ODAPH: variants seen among roughly 807,000 people sequenced by gnomAD.
ODAPH encodes odontogenesis associated phosphoprotein, also known as amelogenesis imperfecta type IIA4.
ODAPH carries 2 observed loss-of-function variants against 2.8 expected under a neutral mutation model. The observed-to-expected ratio is 0.72, with a 90% confidence interval of 0.30 to 2.28. The LOEUF is 2.28. ODAPH is among the 30% of genes most tolerant of loss of function. The pLI is 0.13. For synonymous variants in ODAPH, 75 were observed against 60.3 expected, an observed-to-expected ratio of 1.24 and a Z score of -1.13; for missense variants, 159 against 163.3, an observed-to-expected ratio of 0.97 and a Z score of 0.14.
At chr4:75,562,381 C>A (rs1727616476) in intron 1 of ODAPH, among the ~76,000 whole-genome samples, 1 of 150,610 alleles carries the variant, frequency 6.6e-6, no homozygotes, top group Admixed American at 6.6e-5. Context: ...CTCTCGTTGC[C>A]CAGGCTGGAG....
chr4:75,564,670 A>G lies in ODAPH; in HGVS notation c.*231A>G, dbSNP rs777979630. 7.6e-6 allele frequency: 6 copies of G among 792,184 alleles called. No individual in the cohort carries two copies. The highest frequency in any genetic ancestry group is 1.2e-5 in the Non-Finnish European group (6 of 511,546). 49.1% of individuals were successfully genotyped at this position (792,184 alleles called of 1,614,324 possible). On this transcript the variant is annotated 3_prime_UTR_variant, in exon 2 of 2. Transcript: ENST00000311623. The stretch of plus-strand genomic sequence containing the variant: ...AATAACCACGTTATTTTTATCCTCA[A>G]CCTCTTATGGTCACAGGATATTTAT...
intron 1 of ODAPH, among the ~76,000 whole-genome samples, chr4:75,558,466 C>A (rs549399534): frequency 1.3e-5 from 2 of 150,754 alleles, no homozygotes; most frequent in East Asian, 3.9e-4. Context: ...TAGTTCACTG[C>A]AAGCCAGCTT....
chr4:75,563,737 TTAG>T (rs1560562451), intron 1 of ODAPH, among the ~76,000 whole-genome samples: 1 of 152,214 alleles, frequency 6.6e-6, no homozygotes, highest in Non-Finnish European at 1.5e-5. Flanking sequence ...GTTGTGGGTA[TTAG>T]TAGTTCTTCC....
chr4:75,557,912 A>C (rs1727405945), intron 1 of ODAPH, among the ~76,000 whole-genome samples: 1 of 152,240 alleles, frequency 6.6e-6, no homozygotes, highest in South Asian at 2.1e-4. Context: ...GCTTTAAGGC[A>C]CAACATTTAA....
At chr4:75,562,228 G>A (rs17000658) in intron 1 of ODAPH, among the ~76,000 whole-genome samples, 101,223 of 152,068 alleles carry the variant, frequency 0.67, 35,478 homozygotes, top group African/African-American at 0.9. Flanking sequence ...ACATAGGCAA[G>A]TAACAAGCGT....
At chr4:75,556,448 G>T (rs1419814159) in intron 1 of ODAPH, 5 of 1,042,828 alleles carry the variant, frequency 4.8e-6, no homozygotes, top group Middle Eastern at 2.0e-4. Flanking sequence ...GACCAAATGA[G>T]CTATCATCTG....
At chr4:75,560,644 AG>A (rs1727524985) in intron 1 of ODAPH, among the ~76,000 whole-genome samples, 1 of 152,226 alleles carries the variant, frequency 6.6e-6, no homozygotes, top group African/African-American at 2.4e-5. Context: ...GATTGAAGCA[AG>A]CTTATACCTT....
intron 1 of ODAPH, among the ~76,000 whole-genome samples, chr4:75,563,807 C>G (rs1727693104): frequency 6.6e-6 from 1 of 152,144 alleles, no homozygotes; most frequent in East Asian, 1.9e-4. Flanking sequence ...TTCATGCATT[C>G]TTCTGTTGAT....
chr4:75,561,291 TC>T (rs1210877969), intron 1 of ODAPH, among the ~76,000 whole-genome samples: 3 of 151,672 alleles, frequency 2.0e-5, no homozygotes. Context: ...CAGAATGTCT[TC>T]TTCCTGTAAG....
intron 1 of ODAPH, among the ~76,000 whole-genome samples, chr4:75,563,640 T>C (rs1175981832): frequency 6.6e-6 from 1 of 152,202 alleles, no homozygotes; most frequent in Non-Finnish European, 1.5e-5. Context: ...GTTTTGCTTG[T>C]TTTTGAACTT....
chr4:75,556,665 G>T, intron 1 of ODAPH: 1 of 1,033,812 alleles, frequency 9.7e-7, no homozygotes, highest in Non-Finnish European at 1.4e-6. Context: ...GTGGGCACAG[G>T]TTTCTTTCTT....
intron 1 of ODAPH, among the ~76,000 whole-genome samples, chr4:75,559,091 G>A (rs904648155): frequency 2.6e-5 from 4 of 152,210 alleles, no homozygotes; most frequent in South Asian, 2.1e-4. Flanking sequence ...ATTCAAGGTC[G>A]GCCTGACCAT....
chr4:75,563,005 C>CTT lies in ODAPH; in HGVS notation c.68-1073_68-1072dup, dbSNP rs542417085. 7.7e-3 allele frequency among the ~76,000 whole-genome samples: 460 copies of CTT among 59,594 alleles called. 169 individuals carry two copies. Among genetic ancestry groups the CTT allele is most frequent in the Non-Finnish European group, 0.011 (368 of 32,226 alleles). The allele number at this position is 59,594 out of a possible 152,430, so 39.1% of individuals were successfully genotyped here. ...TTTACATGCAATAAAATCCACACAT[C>CTT]TTTTTTTTTTTTTTTTTTTTTTTTT... On this transcript the variant is annotated intron_variant, in intron 1 of 1. Transcript: ENST00000311623.
rs1253794052 is a variant in ODAPH at position 75,564,479 on chromosome 4, C to G, written c.*40C>G. 3 of 1,613,522 alleles carry G rather than the reference C, an allele frequency of 1.9e-6. No homozygotes were observed. Among genetic ancestry groups the G allele is most frequent in the Non-Finnish European group, 2.5e-6 (3 of 1,179,982 alleles). ...CCAAACATACTGAAGCAAAAAAAAGCCTATCCTTCAGAAAAAAGCAACAAA... is the reference window on the plus strand; with the variant it reads ...CCAAACATACTGAAGCAAAAAAAAGGCTATCCTTCAGAAAAAAGCAACAAA... On this transcript the variant is annotated 3_prime_UTR_variant, in exon 2 of 2. Coordinates refer to ENST00000311623, the MANE Select transcript of ODAPH (RefSeq NM_178497.5).
chr4:75,560,315 T>C (rs759274195), intron 1 of ODAPH, among the ~76,000 whole-genome samples: 19 of 152,080 alleles, frequency 1.2e-4, no homozygotes, highest in Admixed American at 1.1e-3. Flanking sequence ...TTCAGATGAA[T>C]GAAGAATGAA....
intron 1 of ODAPH, among the ~76,000 whole-genome samples, chr4:75,558,141 C>A (rs114872563): frequency 6.6e-6 from 1 of 152,184 alleles, no homozygotes; most frequent in Non-Finnish European, 1.5e-5. Context: ...TTTGCCAGAG[C>A]CCCTAATGTA....
At chr4:75,556,446 G>A in intron 1 of ODAPH, 1 of 1,025,854 alleles carries the variant, frequency 9.7e-7, no homozygotes, top group Non-Finnish European at 1.5e-6. Flanking sequence ...AGGACCAAAT[G>A]AGCTATCATC....
intron 1 of ODAPH, among the ~76,000 whole-genome samples, chr4:75,561,771 C>T (rs1727586250): frequency 6.6e-6 from 1 of 151,658 alleles, no homozygotes; most frequent in African/African-American, 2.4e-5. Context: ...CACTTGAACC[C>T]AGGAGGTGGA....
intron 1 of ODAPH, 30 bp from the exon 2 acceptor site, chr4:75,564,084 G>C (rs368617646): frequency 6.2e-7 from 1 of 1,610,344 alleles, no homozygotes; most frequent in African/African-American, 1.3e-5. Flanking sequence ...TACCAGACCT[G>C]TTTCCTGACT....
Sources: gnomAD v4.1 joint callset for allele counts (sites outside exome capture counted in the v4.1 genomes callset) on GRCh38, gnomAD v4.1.1 for gene constraint, MANE v1.5 for transcripts, NCBI Gene and HGNC (gene_info 2026-07-23, HGNC 2026-07-21) for gene names.